Variants in PDE1C observed in about 807,000 individuals in gnomAD.
PDE1C encodes the protein dual specificity calcium/calmodulin-dependent 3',5'-cyclic nucleotide phosphodiesterase 1C.
Under a neutral mutation model 93.1 loss-of-function variants are expected in PDE1C, and 62 were observed. That is an observed-to-expected ratio of 0.67 (90% CI 0.54 to 0.82). The LOEUF (loss-of-function observed/expected upper bound fraction) is 0.82, where lower values mean the gene tolerates loss of function less well. Among genes scored for constraint, PDE1C ranks in the 40% least tolerant of loss-of-function variants. The probability of loss-of-function intolerance (pLI) is 0.00; values close to 1 mark genes in which losing one functional copy is unlikely to be tolerated. For missense variants in PDE1C, 742 were observed against 884.6 expected, an observed-to-expected ratio of 0.84 and a Z score of 2.04; for synonymous variants, 325 against 310.1, an observed-to-expected ratio of 1.05 and a Z score of -0.50.
chr7:31,651,344 CA>C, the PDE1C span: 5 of 1,518,028 alleles, frequency 3.3e-6, no homozygotes, highest in African/African-American at 7.0e-5. Flanking sequence ...CAGGGCAGAA[CA>C]GAGGAGCACC....
chr7:32,106,730 T>C (rs1353240941), intron 3 of PDE1C, among the ~76,000 whole-genome samples: 5 of 152,170 alleles, frequency 3.3e-5, no homozygotes, highest in Non-Finnish European at 5.9e-5. Context: ...GCCTTAGAAT[T>C]AGACTCTACA....
chr7:32,027,168 G>A (rs186629987), intron 2 of PDE1C, among the ~76,000 whole-genome samples: 8 of 152,090 alleles, frequency 5.3e-5, no homozygotes, highest in Middle Eastern at 3.4e-3. Context: ...TCTGAACTTC[G>A]GGCGAGAATG....
chr7:31,625,109 G>A, the PDE1C span, among the ~76,000 whole-genome samples: 18 of 152,166 alleles, frequency 1.2e-4, no homozygotes, highest in African/African-American at 4.1e-4. Context: ...CAATCATTAA[G>A]AAGTCGGGAA....
At chr7:31,772,959 A>G (rs1021440159) in intron 17 of PDE1C, among the ~76,000 whole-genome samples, 1 of 152,242 alleles carries the variant, frequency 6.6e-6, no homozygotes, top group Admixed American at 6.5e-5. Context: ...AGAGGGAGGC[A>G]TCTGTGATGC....
At chr7:31,817,500 C>A (rs1334896495) in intron 14 of PDE1C, among the ~76,000 whole-genome samples, 1 of 152,130 alleles carries the variant, frequency 6.6e-6, no homozygotes, top group African/African-American at 2.4e-5. Flanking sequence ...ATAACCTACA[C>A]AGAAGACACA....
intron 16 of PDE1C, among the ~76,000 whole-genome samples, chr7:31,782,237 T>C (rs1027152232): frequency 2.3e-4 from 35 of 151,232 alleles, no homozygotes; most frequent in African/African-American, 8.2e-4. Context: ...AAGAAAATGC[T>C]TACAATCCAA....
At chr7:32,019,250 A>G (rs1034972415) in intron 2 of PDE1C, among the ~76,000 whole-genome samples, 6 of 152,114 alleles carry the variant, frequency 3.9e-5, no homozygotes, top group African/African-American at 1.4e-4. Flanking sequence ...AGCAATGTGT[A>G]AGTAAAGAAC....
chr7:32,420,929 G>T (rs1785419528), intron 1 of PDE1C, among the ~76,000 whole-genome samples: 1 of 152,090 alleles, frequency 6.6e-6, no homozygotes, highest in Non-Finnish European at 1.5e-5. Flanking sequence ...ATGTGTGCAT[G>T]CTGTTTCAAA....
At chr7:31,881,094 C>A (rs1797198315) in intron 2 of PDE1C, among the ~76,000 whole-genome samples, 2 of 152,158 alleles carry the variant, frequency 1.3e-5, no homozygotes, top group African/African-American at 2.4e-5. Flanking sequence ...TACTTTCTAG[C>A]TAGCTTTTAT....
At chr7:31,789,802 A>T (rs1356360917) in intron 16 of PDE1C, 2 of 991,322 alleles carry the variant, frequency 2.0e-6, no homozygotes, top group East Asian at 2.2e-4. Context: ...AAAAATGACA[A>T]CATTTAAAGT....
chr7:32,029,630 A>G (rs1324276131), intron 2 of PDE1C, among the ~76,000 whole-genome samples: 1 of 152,164 alleles, frequency 6.6e-6, no homozygotes, highest in African/African-American at 2.4e-5. Context: ...AAAATATCAC[A>G]GCAGGTCATA....
rs1052451199 is a variant in PDE1C, at chr7:31,783,306, A to C, written c.1892-7574T>G. Among the ~76,000 whole-genome samples the C allele has an allele frequency of 3.3e-5, 5 of 152,138 alleles. No homozygotes were observed. The East Asian group carries it at 9.6e-4, about 29-fold the overall frequency. On this transcript the variant is annotated intron_variant, in intron 16 of 17. Transcript: ENST00000396191. ...ATTTACTTCATCCCTCACAGTCAAA[A>C]AAGGTGAAATGAAACGTGATATAGT...
intron 2 of PDE1C, among the ~76,000 whole-genome samples, 192 bp from the exon 3 acceptor site, chr7:31,881,052 G>T (rs761712143): frequency 1.3e-5 from 2 of 152,162 alleles, no homozygotes; most frequent in South Asian, 2.1e-4. Context: ...GAAGTAAGAA[G>T]AAAAAATTTC....
At chr7:32,039,975 C>A (rs946631116) in intron 2 of PDE1C, among the ~76,000 whole-genome samples, 1 of 152,096 alleles carries the variant, frequency 6.6e-6, no homozygotes, top group Non-Finnish European at 1.5e-5. Flanking sequence ...TTTATATAAG[C>A]CACACAATAT....
chr7:31,980,153 C>T (rs1812189858), intron 2 of PDE1C, among the ~76,000 whole-genome samples: 1 of 152,178 alleles, frequency 6.6e-6, no homozygotes, highest in East Asian at 1.9e-4. Context: ...TCTAGCAATT[C>T]AATCTAGCAT....
At chr7:31,930,426 T>C (rs1804032526) in intron 2 of PDE1C, among the ~76,000 whole-genome samples, 1 of 152,186 alleles carries the variant, frequency 6.6e-6, no homozygotes, top group African/African-American at 2.4e-5. Context: ...AGCATCATCC[T>C]GATACCAAAA....
chr7:32,420,125 A>ATATATATG (rs57939022), intron 1 of PDE1C, among the ~76,000 whole-genome samples: 1 of 7,000 alleles, frequency 1.4e-4, no homozygotes. Flanking sequence ...ATATATATAT[A>ATATATATG]CACACACACA....
chr7:32,332,694 T>A (rs569080340), intron 1 of PDE1C, among the ~76,000 whole-genome samples: 6 of 152,358 alleles, frequency 3.9e-5, no homozygotes, highest in African/African-American at 1.4e-4. Context: ...AAAGGAATAC[T>A]ATGTAGAAAT....
rs556679154 is a variant in PDE1C, at chr7:32,023,266, T to C, written c.128+28288A>G. Among the ~76,000 whole-genome samples the C allele has an allele frequency of 3.9e-5, 6 of 152,240 alleles. 1 individual carries two copies. In the South Asian group the frequency reaches 1.2e-3, roughly 32 times the overall value. On this transcript the variant is annotated intron_variant, in intron 2 of 17. Transcript: ENST00000396191. ...GGCTTTAACATACAGCTTGCAATGG[T>C]TGAAATCTCTTATGACCCATGATGT...
Sources: allele counts gnomAD v4.1 joint callset (sites outside exome capture counted in the v4.1 genomes callset), GRCh38; gene constraint gnomAD v4.1.1; transcripts MANE v1.5; gene names NCBI Gene and HGNC (gene_info 2026-07-23, HGNC 2026-07-21).